Variants in MINDY3 observed in about 807,000 individuals in gnomAD.
The protein encoded by MINDY3 is ubiquitin carboxyl-terminal hydrolase MINDY-3.
A neutral mutation model predicts 69.2 loss-of-function variants in MINDY3; 38 were observed. The observed-to-expected ratio is 0.55, with a 90% CI of 0.42 to 0.72. The LOEUF (loss-of-function observed/expected upper bound fraction) is 0.72. Among genes scored for constraint, MINDY3 ranks in the 30% least tolerant of loss-of-function variants. The pLI is 0.00. For missense variants in MINDY3, 522 were observed against 519.0 expected, an observed-to-expected ratio of 1.01 and a Z score of -0.06; for synonymous variants, 192 against 180.1, an observed-to-expected ratio of 1.07 and a Z score of -0.53.
At chr10:15,835,184 T>C (rs544190071) in intron 6 of MINDY3, among the ~76,000 whole-genome samples, 1 of 152,216 alleles carries the variant, frequency 6.6e-6, no homozygotes, top group African/African-American at 2.4e-5. Context: ...CCTTCTTTTC[T>C]TAAAAACCAA....
intron 8 of MINDY3, among the ~76,000 whole-genome samples, chr10:15,828,573 A>G (rs187153977): frequency 3.3e-3 from 434 of 131,488 alleles, no homozygotes; most frequent in Non-Finnish European, 4.5e-3. Context: ...CAATAAAGCT[A>G]TAAGTAAAAA....
chr10:15,824,708 C>T (rs139617894), intron 8 of MINDY3, among the ~76,000 whole-genome samples: 1 of 152,190 alleles, frequency 6.6e-6, no homozygotes, highest in Non-Finnish European at 1.5e-5. Context: ...AATCAGTTAC[C>T]ACCACCTAGT....
At position 15,782,079 on chromosome 10, in the gene MINDY3, A is replaced by C. The variant is rs995992576; in HGVS notation, c.1188+76T>G. 93 of 1,035,642 alleles carry C rather than the reference A, an allele frequency of 9.0e-5. No individual in the cohort carries two copies. In the East Asian group the frequency reaches 2.2e-3, roughly 25 times the overall value. The allele number at this position is 1,035,642 out of a possible 1,614,324, so 64.2% of individuals were successfully genotyped here. A position where few individuals can be genotyped will look rare whatever the true frequency, so the allele number is the denominator to read the frequency against. On this transcript the variant is annotated intron_variant, in intron 14 of 14. Transcript: ENST00000277632. ...AATCTTAGGTAGCAATTGTACGGGA[A>C]TCGAACATTGTTACATACTCACATA...
At chr10:15,818,071 A>G (rs1470864849) in intron 9 of MINDY3, 1 of 152,232 alleles carries the variant, frequency 6.6e-6, no homozygotes, top group Non-Finnish European at 1.5e-5. Context: ...AGAGTGGACG[A>G]GGATTTTAGA....
At chr10:15,785,469 G>A (rs909797745) in intron 13 of MINDY3, among the ~76,000 whole-genome samples, 37 of 152,134 alleles carry the variant, frequency 2.4e-4, no homozygotes, top group African/African-American at 5.8e-4. Flanking sequence ...CAAAAGTTCC[G>A]ATAGCAGCCT....
chr10:15,823,356 T>C (rs1422668402), intron 8 of MINDY3, among the ~76,000 whole-genome samples: 2 of 152,148 alleles, frequency 1.3e-5, no homozygotes, highest in African/African-American at 4.8e-5. Flanking sequence ...ATTACCTTTT[T>C]ACACTTACTC....
intron 10 of MINDY3, among the ~76,000 whole-genome samples, chr10:15,799,219 A>G (rs1256571160): frequency 1.3e-5 from 2 of 151,978 alleles, no homozygotes; most frequent in East Asian, 3.9e-4. Flanking sequence ...TATTTTTTTT[A>G]GATGGAATCT....
At chr10:15,826,866 C>T (rs1026374855) in intron 8 of MINDY3, among the ~76,000 whole-genome samples, 3 of 151,986 alleles carry the variant, frequency 2.0e-5, no homozygotes, top group Non-Finnish European at 4.4e-5. Context: ...CAAACTCATA[C>T]CATTCATAAA....
intron 8 of MINDY3, among the ~76,000 whole-genome samples, chr10:15,824,704 T>C (rs972387770): frequency 3.9e-5 from 6 of 152,180 alleles, no homozygotes; most frequent in Non-Finnish European, 8.8e-5. Flanking sequence ...CTAAAATCAG[T>C]TACCACCACC....
chr10:15,856,052 T>A (rs866276451), intron 1 of MINDY3, among the ~76,000 whole-genome samples: 28 of 152,028 alleles, frequency 1.8e-4, no homozygotes, highest in Middle Eastern at 3.4e-3. Flanking sequence ...AAAGGAAAAA[T>A]ATATATAAGA....
chr10:15,816,210 G>A (rs1349588195), intron 10 of MINDY3, among the ~76,000 whole-genome samples: 5 of 135,140 alleles, frequency 3.7e-5, no homozygotes, highest in South Asian at 2.3e-4. Context: ...GCAGTGAGGC[G>A]AGACTGTGAC....
chr10:15,809,435 GTTTTC>G (rs1838851558), intron 10 of MINDY3, among the ~76,000 whole-genome samples: 1 of 152,140 alleles, frequency 6.6e-6, no homozygotes, highest in Non-Finnish European at 1.5e-5. Flanking sequence ...AGGTTCGCAT[GTTTTC>G]AAGTAACCTC....
At chr10:15,811,246 AT>A (rs745458010) in intron 10 of MINDY3, among the ~76,000 whole-genome samples, 1 of 152,024 alleles carries the variant, frequency 6.6e-6, no homozygotes. Context: ...AATGTCAAAG[AT>A]TTTTTTTCTG....
At chr10:15,782,937 G>A (rs1054590755) in intron 13 of MINDY3, among the ~76,000 whole-genome samples, 2 of 152,152 alleles carry the variant, frequency 1.3e-5, no homozygotes, top group African/African-American at 4.8e-5. Flanking sequence ...TGGCGTTCAA[G>A]GCCATTACAG....
At chr10:15,858,148 C>T (rs141088226) in intron 1 of MINDY3, among the ~76,000 whole-genome samples, 4 of 152,234 alleles carry the variant, frequency 2.6e-5, no homozygotes, top group African/African-American at 9.6e-5. Flanking sequence ...GATTCAGAGG[C>T]GATAACTTCA....
In MINDY3 at chr10:15,778,788, C is replaced by G. The variant is rs910936593; in HGVS notation, c.*204G>C. On this transcript the variant is annotated 3_prime_UTR_variant, in exon 15 of 15. Transcript: ENST00000277632. The stretch of plus-strand genomic sequence containing the variant: ...CTTAATTTTGCTAGTAAATTTCACA[C>G]GAAGGGGTAAAATAGGATAATCTTT... The G allele has an allele frequency of 7.0e-6, 3 of 429,238 alleles. No homozygotes were observed. Among genetic ancestry groups the G allele is most frequent in the East Asian group, 3.7e-5 (1 of 27,078 alleles). The allele number at this position is 429,238 out of a possible 1,614,324, so 26.6% of individuals were successfully genotyped here.
rs138917427 is a variant in MINDY3, at chr10:15,782,023, T to C, written c.1188+132A>G. 3.2e-4 allele frequency: 224 copies of C among 710,892 alleles called. No homozygotes were observed. The Middle Eastern group carries it at 5.0e-3, about 16-fold the overall frequency. The allele number at this position is 710,892 out of a possible 1,614,324, so 44.0% of individuals were successfully genotyped here. A position where few individuals can be genotyped will look rare whatever the true frequency, so the allele number is the denominator to read the frequency against. On this transcript the variant is annotated intron_variant, in intron 14 of 14. Transcript: ENST00000277632. The stretch of plus-strand genomic sequence containing the variant: ...AATCCAAAGATGGCTGATTCTAAAA[T>C]GTGTCCTCATAGTAAAGAGACTCCT...
intron 13 of MINDY3, among the ~76,000 whole-genome samples, chr10:15,784,466 C>T (rs558057512): frequency 4.3e-4 from 66 of 152,214 alleles, no homozygotes; most frequent in Non-Finnish European, 5.7e-4. Context: ...TTTACTGGGC[C>T]TCGTGAGGTG....
At chr10:15,831,368 T>C (rs1840445117) in intron 8 of MINDY3, among the ~76,000 whole-genome samples, 2 of 152,220 alleles carry the variant, frequency 1.3e-5, no homozygotes. Flanking sequence ...GAAATATAAA[T>C]GGGGTATTTT....
Sources: allele counts gnomAD v4.1 joint callset (sites outside exome capture counted in the v4.1 genomes callset), GRCh38; gene constraint gnomAD v4.1.1; transcripts MANE v1.5; gene names NCBI Gene and HGNC (gene_info 2026-07-23, HGNC 2026-07-21).